TENM1: variants seen among roughly 807,000 people sequenced by gnomAD.
TENM1 encodes teneurin-1.
In TENM1, 35 loss-of-function variants were observed where a neutral mutation model predicts 174.8. The observed-to-expected ratio is 0.20, with a 90% CI of 0.15 to 0.27. The LOEUF is 0.27. Ranked by LOEUF, TENM1 falls within the 10% of genes least tolerant of loss-of-function variation. The pLI is 1.00. For synonymous variants in TENM1, 781 were observed against 798.7 expected, an observed-to-expected ratio of 0.98 and a Z score of 0.37; for missense variants, 1,633 against 2,130.1, an observed-to-expected ratio of 0.77 and a Z score of 4.59.
chrX:124,692,648 A>T (rs749693466), intron 5 of TENM1, among the ~76,000 whole-genome samples: 1 of 108,687 alleles, frequency 9.2e-6, no homozygotes, highest in Non-Finnish European at 1.9e-5. Context: ...ATTTTTCTAG[A>T]TCCTTAATAA....
chrX:124,935,686 A>G (rs988842770), intron 1 of TENM1, among the ~76,000 whole-genome samples: 1 of 113,031 alleles, frequency 8.8e-6, no homozygotes, highest in East Asian at 2.8e-4. Context: ...TTTACAGCAG[A>G]AATATCTGAA....
chrX:125,192,576 G>A, the TENM1 span, among the ~76,000 whole-genome samples: 5 of 111,486 alleles, frequency 4.5e-5, no homozygotes, highest in African/African-American at 1.6e-4. Flanking sequence ...TTGTTCTAGA[G>A]TGTTAGTAAT....
At chrX:124,848,156 C>T (rs1224206395) in intron 3 of TENM1, among the ~76,000 whole-genome samples, 1 of 110,810 alleles carries the variant, frequency 9.0e-6, no homozygotes, top group African/African-American at 3.3e-5. Context: ...TATTCTCATT[C>T]TCTCTTTCTT....
the TENM1 span, among the ~76,000 whole-genome samples, chrX:125,190,881 T>A: frequency 8.9e-6 from 1 of 111,765 alleles, no homozygotes; most frequent in Admixed American, 9.5e-5. Flanking sequence ...CACTTTTGCA[T>A]ATCTTTTTCA....
At chrX:124,407,550 G>A (rs1454895628) in intron 25 of TENM1, among the ~76,000 whole-genome samples, 2 of 112,228 alleles carry the variant, frequency 1.8e-5, no homozygotes, top group Non-Finnish European at 3.8e-5. Context: ...TACACAAAGT[G>A]GCATAGTAAT....
the TENM1 span, among the ~76,000 whole-genome samples, chrX:125,155,829 G>A: frequency 8.9e-6 from 1 of 112,263 alleles, no homozygotes; most frequent in African/African-American, 3.2e-5. Flanking sequence ...CCGGGTTCCC[G>A]CCCATGCCTC....
At chrX:124,801,748 A>T (rs182394453) in intron 3 of TENM1, among the ~76,000 whole-genome samples, 1 of 111,174 alleles carries the variant, frequency 9.0e-6, no homozygotes, top group South Asian at 3.8e-4. Context: ...CATATTTAAT[A>T]CTTCCTTCAG....
the TENM1 span, among the ~76,000 whole-genome samples, chrX:125,169,608 C>T: frequency 3.6e-5 from 4 of 111,375 alleles, no homozygotes; most frequent in South Asian, 3.8e-4. Context: ...CCCTAATCTG[C>T]ACATCTAAGA....
chrX:124,720,789 C>A (rs1374924960), intron 4 of TENM1, among the ~76,000 whole-genome samples: 1 of 112,182 alleles, frequency 8.9e-6, no homozygotes, highest in Non-Finnish European at 1.9e-5. Context: ...ACTATAGTTG[C>A]CTGCCATCAT....
At chrX:124,964,507 G>T (rs1196585728), upstream of TENM1, among the ~76,000 whole-genome samples, 2 of 111,305 alleles carry the variant, frequency 1.8e-5, no homozygotes, top group Non-Finnish European at 3.8e-5. Context: ...GCAACAGCAG[G>T]ATCTAAATCA....
intron 3 of TENM1, among the ~76,000 whole-genome samples, chrX:124,742,285 C>A (rs2053818310): frequency 9.0e-6 from 1 of 110,802 alleles, no homozygotes; most frequent in Non-Finnish European, 1.9e-5. Flanking sequence ...GTCTGTACTT[C>A]CTGGTCTTAG....
chrX:124,746,424 T>G (rs2053921263), intron 3 of TENM1, among the ~76,000 whole-genome samples: 1 of 111,859 alleles, frequency 8.9e-6, no homozygotes. Context: ...AGCTATTTTT[T>G]GGGAGATATG....
chrX:124,974,635 T>C, the TENM1 span, among the ~76,000 whole-genome samples: 1 of 109,511 alleles, frequency 9.1e-6, no homozygotes, highest in Non-Finnish European at 1.9e-5. Context: ...ATTTTTCTCA[T>C]TATTTTTGTT....
intron 1 of TENM1, among the ~76,000 whole-genome samples, chrX:124,908,596 C>T (rs1265015614): frequency 9.0e-6 from 1 of 110,897 alleles, no homozygotes; most frequent in African/African-American, 3.3e-5. Context: ...TGGGTTGGTT[C>T]CAAGTCTTTC....
intron 6 of TENM1, among the ~76,000 whole-genome samples, chrX:124,663,151 T>C (rs527417524): frequency 8.9e-6 from 1 of 112,158 alleles, no homozygotes; most frequent in South Asian, 3.7e-4. Flanking sequence ...GAAGAGAAGA[T>C]GGTATCTGTG....
chrX:125,185,041 G>A, the TENM1 span, among the ~76,000 whole-genome samples: 1 of 109,646 alleles, frequency 9.1e-6, no homozygotes, highest in Non-Finnish European at 1.9e-5. Context: ...CCCCAAAGTT[G>A]CTCAATACCT....
intron 21 of TENM1, among the ~76,000 whole-genome samples, chrX:124,484,777 C>T (rs5958504): frequency 0.23 from 25,544 of 110,214 alleles, 3,805 homozygotes; most frequent in African/African-American, 0.54. Flanking sequence ...CAAAGACTCC[C>T]CTGGTTCCCT....
intron 14 of TENM1, among the ~76,000 whole-genome samples, chrX:124,558,405 T>C (rs995986779): frequency 2.7e-5 from 3 of 111,719 alleles, no homozygotes; most frequent in African/African-American, 9.8e-5. Context: ...TTTTTTTTGA[T>C]TGGGAAGATT....
At chrX:124,522,930 T>C (rs1203997679) in intron 17 of TENM1, among the ~76,000 whole-genome samples, 5 of 111,684 alleles carry the variant, frequency 4.5e-5, no homozygotes, top group Admixed American at 9.5e-5. Flanking sequence ...TTAGGTGATC[T>C]GCCCACCTTG....
Sources: allele counts gnomAD v4.1 joint callset (sites outside exome capture counted in the v4.1 genomes callset), GRCh38; gene constraint gnomAD v4.1.1; transcripts MANE v1.5; gene names NCBI Gene and HGNC (gene_info 2026-07-23, HGNC 2026-07-21).